Variants in LYRM4 observed in about 807,000 individuals in gnomAD.
The protein encoded by LYRM4 is LYR motif containing 4.
In LYRM4, 9 loss-of-function variants were observed where a neutral mutation model predicts 11.7. The ratio of observed to expected loss-of-function variants is 0.77; its 90% confidence interval spans 0.46 to 1.34. The LOEUF is 1.34. Ranked by LOEUF, LYRM4 falls within the 40% of genes most tolerant of loss-of-function variation. The pLI is 0.00. For synonymous variants in LYRM4, 42 were observed against 40.4 expected (o/e 1.04, Z -0.15); for missense variants, 133 against 112.5 (o/e 1.18, Z -0.82).
At chr6:5,146,089 C>T (rs1757707061) in intron 2 of LYRM4, among the ~76,000 whole-genome samples, 1 of 152,234 alleles carries the variant, frequency 6.6e-6, no homozygotes, top group African/African-American at 2.4e-5. Context: ...CACCTCATGG[C>T]ACATGGTGCT....
rs377420724 is a variant in LYRM4, at chr6:5,144,297, C to T, written c.208-34806G>A. The T allele has an allele frequency of 3.3e-6, 5 of 1,536,432 alleles. No individual in the cohort carries two copies. In the South Asian group the frequency reaches 4.8e-5, roughly 15 times the overall value. On this transcript the variant is annotated intron_variant, in intron 2 of 2. Transcript: ENST00000330636. ...GATACAGGCAAGTCTTGGGTGAGGG[C>T]TAGCCTCAGTTTGGACAAGAAAAAG...
At chr6:5,049,517 G>T in the LYRM4 span, among the ~76,000 whole-genome samples, 1 of 152,122 alleles carries the variant, frequency 6.6e-6, no homozygotes, top group Non-Finnish European at 1.5e-5. Flanking sequence ...CCTGACATTT[G>T]GCAGTTAAGG....
intron 2 of LYRM4, among the ~76,000 whole-genome samples, chr6:5,128,286 A>G (rs1763786876): frequency 6.6e-6 from 1 of 152,198 alleles, no homozygotes; most frequent in South Asian, 2.1e-4. Context: ...TGACATTTAT[A>G]TCCTGGAAGC....
the LYRM4 span, among the ~76,000 whole-genome samples, chr6:5,097,162 C>T: frequency 1.3e-5 from 2 of 152,248 alleles, no homozygotes; most frequent in African/African-American, 2.4e-5. Context: ...AGACTCTCTG[C>T]AGAATTCTGA....
chr6:5,150,278 C>T (rs1286656392), intron 2 of LYRM4, among the ~76,000 whole-genome samples: 13 of 152,296 alleles, frequency 8.5e-5, no homozygotes, highest in Non-Finnish European at 1.9e-4. Context: ...AACAGAGAAA[C>T]CAACCATATC....
At chr6:5,253,694 G>A (rs1764538360) in intron 1 of LYRM4, among the ~76,000 whole-genome samples, 1 of 152,100 alleles carries the variant, frequency 6.6e-6, no homozygotes, top group African/African-American at 2.4e-5. Flanking sequence ...CCGACCAATT[G>A]AGAGCAATCA....
intron 1 of LYRM4, among the ~76,000 whole-genome samples, chr6:5,237,716 A>G (rs1422273850): frequency 1.3e-5 from 2 of 152,104 alleles, no homozygotes; most frequent in Admixed American, 6.6e-5. Flanking sequence ...AGATATGCTA[A>G]GCTGTGTCTG....
intron 2 of LYRM4, among the ~76,000 whole-genome samples, chr6:5,152,699 G>C (rs1758160175): frequency 6.6e-6 from 1 of 152,212 alleles, no homozygotes; most frequent in South Asian, 2.1e-4. Flanking sequence ...AATCAGCTAA[G>C]CTAATGTGCT....
intron 2 of LYRM4, among the ~76,000 whole-genome samples, chr6:5,203,377 C>G (rs1180910519): frequency 8.5e-5 from 13 of 152,170 alleles, no homozygotes; most frequent in Non-Finnish European, 8.8e-5. Context: ...TGGTAGGCCT[C>G]CTAATGGCTC....
At chr6:5,118,808 A>G (rs1429265602) in intron 2 of LYRM4, among the ~76,000 whole-genome samples, 1 of 152,232 alleles carries the variant, frequency 6.6e-6, no homozygotes, top group East Asian at 1.9e-4. Context: ...ACCCAAACTT[A>G]CGAATATCGA....
the LYRM4 span, among the ~76,000 whole-genome samples, chr6:5,041,415 G>A: frequency 6.6e-6 from 1 of 152,182 alleles, no homozygotes; most frequent in Non-Finnish European, 1.5e-5. Context: ...AAAATAAGAT[G>A]TTCTCTCTAA....
At chr6:5,063,606 C>T in the LYRM4 span, among the ~76,000 whole-genome samples, 1 of 152,236 alleles carries the variant, frequency 6.6e-6, no homozygotes, top group Non-Finnish European at 1.5e-5. Flanking sequence ...ACCTATGTCT[C>T]CCCAGCACTG....
At chr6:5,174,414 G>A (rs1759602695) in intron 2 of LYRM4, among the ~76,000 whole-genome samples, 2 of 152,070 alleles carry the variant, frequency 1.3e-5, no homozygotes, top group Admixed American at 1.3e-4. Flanking sequence ...TCCTGCTTCC[G>A]GCTCCAACCA....
intron 2 of LYRM4, among the ~76,000 whole-genome samples, chr6:5,130,153 G>A (rs747793172): frequency 2.6e-5 from 4 of 152,188 alleles, no homozygotes; most frequent in Non-Finnish European, 4.4e-5. Flanking sequence ...CCCAGCGCTG[G>A]GGGAGACACT....
the LYRM4 span, chr6:5,066,931 C>A: frequency 1.6e-5 from 18 of 1,120,320 alleles, no homozygotes; most frequent in Admixed American, 1.0e-4. Flanking sequence ...CCAGCGCCCC[C>A]CAAGGCGGAG....
the LYRM4 span, among the ~76,000 whole-genome samples, chr6:5,079,485 A>G: frequency 6.6e-6 from 1 of 152,198 alleles, no homozygotes; most frequent in African/African-American, 2.4e-5. Flanking sequence ...AAAATAATCA[A>G]CGTGCCAAAA....
chr6:5,152,331 G>A (rs1477087609), intron 2 of LYRM4, among the ~76,000 whole-genome samples: 2 of 152,098 alleles, frequency 1.3e-5, no homozygotes, highest in African/African-American at 4.8e-5. Flanking sequence ...CTAGGAAAGC[G>A]GCAACTAAGC....
At chr6:5,179,065 CAAAAAAAA>C (rs58749743) in intron 2 of LYRM4, among the ~76,000 whole-genome samples, 25 of 103,920 alleles carry the variant, frequency 2.4e-4, no homozygotes, top group Admixed American at 1.5e-3. Context: ...ACCAAAAAAA[CAAAAAAAA>C]AAAAAAAAAA....
chr6:5,066,342 A>G, the LYRM4 span: 1 of 724,818 alleles, frequency 1.4e-6, no homozygotes, highest in East Asian at 2.5e-5. Flanking sequence ...ATCTAGAAGT[A>G]CAGGAATACG....
Sources: gnomAD v4.1 joint callset for allele counts (sites outside exome capture counted in the v4.1 genomes callset) on GRCh38, gnomAD v4.1.1 for gene constraint, MANE v1.5 for transcripts, NCBI Gene and HGNC (gene_info 2026-07-23, HGNC 2026-07-21) for gene names.